Variants in PCSK5 observed in about 807,000 individuals in gnomAD.
PCSK5 encodes the protein proprotein convertase subtilisin/kexin type 5.
In PCSK5, 129 loss-of-function variants were observed where a neutral mutation model predicts 233.2. The ratio of observed to expected loss-of-function variants is 0.55; its 90% CI spans 0.48 to 0.64. The LOEUF (loss-of-function observed/expected upper bound fraction) is 0.64. Among genes scored for constraint, PCSK5 ranks in the 30% least tolerant of loss-of-function variants. The pLI, the probability that PCSK5 is intolerant of heterozygous loss-of-function variation, is 0.00. For synonymous variants in PCSK5, 825 were observed against 879.2 expected (o/e 0.94, Z 1.09); for missense variants, 2,076 against 2,430.1 (o/e 0.85, Z 3.06).
At chr9:76,020,749 A>G (rs546665272) in intron 3 of PCSK5, among the ~76,000 whole-genome samples, 14 of 152,188 alleles carry the variant, frequency 9.2e-5, no homozygotes, top group African/African-American at 2.6e-4. Flanking sequence ...GTTTTCTTCA[A>G]TTTTCGTAAT....
At chr9:76,316,570 A>T (rs1317649430) in intron 30 of PCSK5, among the ~76,000 whole-genome samples, 7 of 151,206 alleles carry the variant, frequency 4.6e-5, no homozygotes, top group African/African-American at 2.4e-5. Flanking sequence ...ACAAAAAAAA[A>T]AAGATAAAAA....
At chr9:76,277,191 C>T (rs773196308) in intron 24 of PCSK5, among the ~76,000 whole-genome samples, 2 of 152,098 alleles carry the variant, frequency 1.3e-5, no homozygotes, top group Non-Finnish European at 2.9e-5. Flanking sequence ...TGCCACTGCA[C>T]TCCAGCCTGG....
At chr9:76,148,352 CCTCTCTCTCCCTCT>C (rs1475750224) in intron 10 of PCSK5, among the ~76,000 whole-genome samples, 1 of 13,612 alleles carries the variant, frequency 7.3e-5, no homozygotes, top group Non-Finnish European at 1.5e-4. Context: ...TTTCTCTCTC[CCTCTCTCTCCCTCT>C]CTCTCCCTCT....
intron 20 of PCSK5, among the ~76,000 whole-genome samples, chr9:76,221,137 G>A (rs1825716821): frequency 1.3e-5 from 2 of 152,194 alleles, no homozygotes; most frequent in African/African-American, 4.8e-5. Flanking sequence ...TTGATACATG[G>A]AATTGCCTTT....
Position 76,332,559 on chromosome 9 carries a change from G to A in PCSK5, c.4697G>A (p.Arg1566Gln), listed in dbSNP as rs776978290. The change falls in exon 34 of 38, where the codon CGA (arginine) becomes CAA (glutamine). Residue 1566 changes from arginine (R) to glutamine (Q), a missense_variant. Physicochemically the swap from Arg to Gln is conservative, Grantham distance 43 (BLOSUM62 1). Transcript: ENST00000674117. ...CACAGCAGGCAGTGCCACTCCTGCC[G>A]ACCGGGCTGGTTCCAGCTAGGAAAA... ...GRHSRQCHSC[R>Q]PGWFQLGKEC... 2.7e-5 allele frequency: 44 copies of A among 1,610,362 alleles called. No homozygotes were observed. Among genetic ancestry groups the A allele is most frequent in the Middle Eastern group, 3.3e-4 (2 of 6,084 alleles).
rs1268879387 is a variant in PCSK5, at chr9:75,914,580, A to AAGTC, written c.193-17798_193-17795dup. Among the ~76,000 whole-genome samples, 12 of 152,206 alleles carry AAGTC rather than the reference A, an allele frequency of 7.9e-5. No homozygotes were observed. In the South Asian group the frequency reaches 2.5e-3, roughly 32 times the overall value. ...CCCTCATTGTAAAAATGAAAAAACG[A>AAGTC]AGTCCCCTTTCAGTAGGGCAAGAAC... On this transcript the variant is annotated intron_variant, in intron 1 of 37. Transcript: ENST00000674117.
At chr9:76,188,294 G>A (rs559845415) in intron 17 of PCSK5, among the ~76,000 whole-genome samples, 13 of 149,002 alleles carry the variant, frequency 8.7e-5, no homozygotes, top group Non-Finnish European at 1.5e-4. Flanking sequence ...AAGATGTTGC[G>A]CAAAGTAGGA....
intron 24 of PCSK5, among the ~76,000 whole-genome samples, chr9:76,276,621 G>C (rs1353724319): frequency 3.9e-5 from 6 of 152,090 alleles, no homozygotes; most frequent in Admixed American, 3.9e-4. Flanking sequence ...TCCCATGCTA[G>C]CTCTTTGTTA....
chr9:75,945,230 A>G (rs569352521), intron 2 of PCSK5, among the ~76,000 whole-genome samples: 3 of 152,096 alleles, frequency 2.0e-5, no homozygotes, highest in Non-Finnish European at 4.4e-5. Flanking sequence ...ACATACGTGG[A>G]ACTTTTACAT....
chr9:76,034,348 T>A (rs964325388), intron 5 of PCSK5, among the ~76,000 whole-genome samples: 3 of 152,190 alleles, frequency 2.0e-5, no homozygotes, highest in African/African-American at 7.2e-5. Context: ...GTTTCCTTGT[T>A]TCTGGTCTTC....
At chr9:76,298,520 G>A (rs900248673) in intron 27 of PCSK5, among the ~76,000 whole-genome samples, 5 of 152,114 alleles carry the variant, frequency 3.3e-5, no homozygotes, top group Admixed American at 3.3e-4. Flanking sequence ...ACTAAGCAAG[G>A]TAAAGCTGTA....
intron 15 of PCSK5, among the ~76,000 whole-genome samples, chr9:76,180,149 A>G (rs1246639712): frequency 6.6e-6 from 1 of 151,378 alleles, no homozygotes; most frequent in African/African-American, 2.4e-5. Context: ...TGGAACAACT[A>G]AATCCAGCTA....
intron 7 of PCSK5, among the ~76,000 whole-genome samples, chr9:76,094,530 C>A (rs1264868974): frequency 6.6e-6 from 1 of 152,170 alleles, no homozygotes; most frequent in Non-Finnish European, 1.5e-5. Context: ...CTGAAGACAT[C>A]ATCTTATAGT....
At chr9:76,295,014 C>A (rs1380035560) in intron 25 of PCSK5, among the ~76,000 whole-genome samples, 2 of 152,012 alleles carry the variant, frequency 1.3e-5, no homozygotes, top group Non-Finnish European at 2.9e-5. Context: ...ATTAGCCAGG[C>A]ATGGTGGTGT....
chr9:76,117,422 A>C (rs1057077005), intron 9 of PCSK5, among the ~76,000 whole-genome samples: 3 of 152,082 alleles, frequency 2.0e-5, no homozygotes, highest in African/African-American at 7.2e-5. Flanking sequence ...AATAATGGCA[A>C]ATAGGGAAAA....
At chr9:76,340,570 T>C (rs1338498204) in intron 35 of PCSK5, among the ~76,000 whole-genome samples, 1 of 138,546 alleles carries the variant, frequency 7.2e-6, no homozygotes, top group East Asian at 2.2e-4. Context: ...GCTTGAAACC[T>C]GGAGGCAGAG....
At chr9:76,267,950 TACACACACACACACACACACAC>T (rs10539241) in intron 24 of PCSK5, among the ~76,000 whole-genome samples, 1 of 149,314 alleles carries the variant, frequency 6.7e-6, no homozygotes, top group African/African-American at 2.5e-5. Context: ...CTTATGGGTA[TACACACACACACACACACACAC>T]ACACACACAC....
At position 76,358,675 on chromosome 9, in the gene PCSK5, A is replaced by G. The variant is rs375730102; in HGVS notation, c.5417A>G (p.Tyr1806Cys). 6.2e-7 allele frequency: 1 copy of G among 1,612,862 alleles called. No homozygotes were observed. Among genetic ancestry groups the G allele is most frequent in the Non-Finnish European group, 8.5e-7 (1 of 1,179,894 alleles). Residue 1806 changes from tyrosine to cysteine, a missense_variant, in exon 38 of 38, where the codon TAT becomes TGT. Coordinates refer to ENST00000674117, the MANE Select transcript of PCSK5 (RefSeq NM_001372043.1). ...GTCCAGCCAGCAGCAAAGGCCGGCT[A>G]TGAAAAACTGGCCGACCCCAACAAG... The part of the protein sequence containing the change: ...GRVQPAAKAG[Y>C]EKLADPNKSY...
At chr9:76,003,842 T>C (rs2131434440) in intron 3 of PCSK5, among the ~76,000 whole-genome samples, 1 of 152,238 alleles carries the variant, frequency 6.6e-6, no homozygotes, top group African/African-American at 2.4e-5. Context: ...AAGGTCTCAC[T>C]CTGTCACCCA....
Sources: gnomAD v4.1 joint callset for allele counts (sites outside exome capture counted in the v4.1 genomes callset) on GRCh38, gnomAD v4.1.1 for gene constraint, MANE v1.5 for transcripts, NCBI Gene and HGNC (gene_info 2026-07-23, HGNC 2026-07-21) for gene names.